Variants in RUFY2 observed in about 807,000 individuals in gnomAD.
The protein encoded by RUFY2 is RUN and FYVE domain-containing protein 2.
A neutral mutation model predicts 94.4 loss-of-function variants in RUFY2; 49 were observed. The ratio of observed to expected loss-of-function variants is 0.52; its 90% confidence interval spans 0.41 to 0.66. The LOEUF (loss-of-function observed/expected upper bound fraction) is 0.66. Among genes scored for constraint, RUFY2 ranks in the 30% least tolerant of loss-of-function variants. The probability of loss-of-function intolerance (pLI) is 0.00; values close to 1 mark genes in which losing one functional copy is unlikely to be tolerated. For synonymous variants in RUFY2, 255 were observed against 235.7 expected (o/e 1.08, Z -0.75); for missense variants, 541 against 692.8 (o/e 0.78, Z 2.46).
chr10:68,372,583 TAAAAAAAA>T (rs770098226), intron 13 of RUFY2, among the ~76,000 whole-genome samples: 1 of 96,364 alleles, frequency 1.0e-5, no homozygotes, highest in Non-Finnish European at 2.1e-5. Flanking sequence ...CCTCTCTCTT[TAAAAAAAA>T]AAAAAAAAAA....
At chr10:68,384,457 T>C (rs2049327943) in intron 8 of RUFY2, among the ~76,000 whole-genome samples, 1 of 152,214 alleles carries the variant, frequency 6.6e-6, no homozygotes. Context: ...TTACAGTATG[T>C]CCTGAATACA....
chr10:68,395,607 AC>A (rs2050337454), intron 4 of RUFY2, among the ~76,000 whole-genome samples: 1 of 152,230 alleles, frequency 6.6e-6, no homozygotes, highest in South Asian at 2.1e-4. Flanking sequence ...TGGGATATCT[AC>A]ATTCTAAAAA....
chr10:68,376,458 A>ATG (rs2048661524), intron 13 of RUFY2, among the ~76,000 whole-genome samples: 2 of 29,308 alleles, frequency 6.8e-5, no homozygotes, highest in South Asian at 1.9e-3. Flanking sequence ...ATATATATAT[A>ATG]TATATATATA....
At chr10:68,363,761 A>G (rs956321351) in intron 14 of RUFY2, 77 bp from the exon 15 acceptor site, 4 of 971,250 alleles carry the variant, frequency 4.1e-6, no homozygotes, top group Non-Finnish European at 6.0e-6. Context: ...TATACCATTA[A>G]TTAGAAACAA....
At chr10:68,402,502 G>A (rs866345277) in intron 2 of RUFY2, among the ~76,000 whole-genome samples, 3 of 152,082 alleles carry the variant, frequency 2.0e-5, no homozygotes, top group Non-Finnish European at 4.4e-5. Flanking sequence ...GATTCATCCA[G>A]ATAAGCCTAT....
intron 13 of RUFY2, among the ~76,000 whole-genome samples, chr10:68,371,753 G>C (rs1305473178): frequency 1.3e-5 from 2 of 152,026 alleles, no homozygotes; most frequent in Admixed American, 6.6e-5. Context: ...ATCCCAAATA[G>C]GTTAAAGCCC....
chr10:68,349,783 C>T (rs2046537957), intron 16 of RUFY2, among the ~76,000 whole-genome samples: 1 of 151,968 alleles, frequency 6.6e-6, no homozygotes, highest in African/African-American at 2.4e-5. Context: ...CGTGATCTGC[C>T]CGCCTCAGCC....
At chr10:68,396,090 C>T (rs2050371004) in intron 4 of RUFY2, among the ~76,000 whole-genome samples, 2 of 152,240 alleles carry the variant, frequency 1.3e-5, no homozygotes, top group South Asian at 4.1e-4. Flanking sequence ...CCTCCCTCTA[C>T]CGGGTTCATG....
In RUFY2 at chr10:68,376,873, G is replaced by A; in HGVS notation, c.1305C>T (p.Ile435=). 6.2e-7 allele frequency: 1 copy of A among 1,613,656 alleles called. No homozygotes were observed. The highest frequency in any genetic ancestry group is 8.5e-7 in the Non-Finnish European group (1 of 1,179,792). The part of the protein sequence containing the change: ...LSKSDSLQKQ[I]SQKEKQLVQL... Reference sequence around the variant, plus strand: ...CTCACAGCTGTTTCTCCTTTTGGGAGATTTGTTTCTGCAGACTATCAGATT... The same window carrying A: ...CTCACAGCTGTTTCTCCTTTTGGGAAATTTGTTTCTGCAGACTATCAGATT... Residue 435 remains isoleucine (I), a synonymous_variant, in exon 13 of 18, where the codon ATC becomes ATT. Coordinates refer to ENST00000602465, the MANE Select transcript of RUFY2 (RefSeq NM_001330103.2).
chr10:68,393,275 C>G, intron 6 of RUFY2, 72 bp from the exon 7 acceptor site: 1 of 713,668 alleles, frequency 1.4e-6, no homozygotes, highest in Non-Finnish European at 2.3e-6. Context: ...TCTAAATCAT[C>G]TAAAATTATT....
intron 16 of RUFY2, among the ~76,000 whole-genome samples, chr10:68,352,067 A>AAG (rs1554875463): frequency 2.0e-3 from 300 of 151,838 alleles, no homozygotes; most frequent in African/African-American, 6.9e-3. Context: ...AAAAAAAAAA[A>AAG]AGAAAAAAAG....
At chr10:68,358,917 G>C in intron 15 of RUFY2, among the ~76,000 whole-genome samples, 1 of 152,068 alleles carries the variant, frequency 6.6e-6, no homozygotes, top group East Asian at 1.9e-4. Flanking sequence ...TCTTATGCCC[G>C]GCCTAGGAAA....
At position 68,345,873 on chromosome 10, in the gene RUFY2, G is replaced by T. The variant is rs1338380709; in HGVS notation, c.1716C>A (p.Ala572=). 1 of 1,613,952 alleles carries T rather than the reference G, an allele frequency of 6.2e-7. No individual in the cohort carries two copies. The highest frequency in any genetic ancestry group is 8.5e-7 in the Non-Finnish European group (1 of 1,180,002). Reference sequence around the variant, plus strand: ...GCAAAGGTAGTTCGTTGTCAGAGCAGGCATTACAGAAAATTTCCCCACAAT... The same window carrying T: ...GCAAAGGTAGTTCGTTGTCAGAGCATGCATTACAGAAAATTTCCCCACAAT... ...CRNCGEIFCN[A]CSDNELPLPS... Residue 572 remains alanine (A), a synonymous_variant, in exon 18 of 18, where the codon GCC becomes GCA. Transcript: ENST00000602465.
intron 6 of RUFY2, 60 bp from the exon 7 acceptor site, chr10:68,393,263 A>C (rs2050138444): frequency 3.7e-6 from 3 of 819,468 alleles, no homozygotes; most frequent in Non-Finnish European, 5.8e-6. Flanking sequence ...AGCACAAAAA[A>C]ATCTAAATCA....
chr10:68,383,496 T>C (rs1173338813), intron 10 of RUFY2, among the ~76,000 whole-genome samples: 3 of 151,316 alleles, frequency 2.0e-5, no homozygotes, highest in Non-Finnish European at 4.4e-5. Context: ...GCACATGCCT[T>C]GTACTCCCAA....
chr10:68,404,731 A>T lies in RUFY2; in HGVS notation c.118T>A (p.Tyr40Asn). ...ACAAAGAATTGCTGCAAGGGGGGAT[A>T]GTCAGAATCCAAAGTGCGGCCAAAG... Reference protein sequence around the residue: ...LSFGRTLDSDYPPLQQFFVVM... With the variant: ...LSFGRTLDSDNPPLQQFFVVM... The change falls in exon 2 of 18, where the codon TAT becomes AAT. Residue 40 changes from tyrosine to asparagine, a missense_variant. Transcript: ENST00000602465. 1 of 1,613,306 alleles carries T rather than the reference A, an allele frequency of 6.2e-7. No individual in the cohort carries two copies. The highest frequency in any genetic ancestry group is 1.1e-5 in the South Asian group (1 of 90,876).
chr10:68,385,081 G>GT (rs2049381495), intron 8 of RUFY2, among the ~76,000 whole-genome samples: 1 of 152,130 alleles, frequency 6.6e-6, no homozygotes, highest in South Asian at 2.1e-4. Context: ...GACCAACACG[G>GT]TGAAACCCCG....
intron 13 of RUFY2, among the ~76,000 whole-genome samples, chr10:68,372,719 G>T (rs559496659): frequency 6.6e-6 from 1 of 151,602 alleles, no homozygotes; most frequent in Non-Finnish European, 1.5e-5. Flanking sequence ...AAGAAACCCC[G>T]TGTCCACCAA....
chr10:68,360,524 A>C (rs532942857), intron 15 of RUFY2, among the ~76,000 whole-genome samples: 1 of 152,058 alleles, frequency 6.6e-6, no homozygotes, highest in Non-Finnish European at 1.5e-5. Flanking sequence ...CGGGCAGATC[A>C]CGAGGTCAGG....
Sources: allele counts gnomAD v4.1 joint callset (sites outside exome capture counted in the v4.1 genomes callset), GRCh38; gene constraint gnomAD v4.1.1; transcripts MANE v1.5; gene names NCBI Gene and HGNC (gene_info 2026-07-23, HGNC 2026-07-21).